The following PRDM16 variants were observed in gnomAD, a reference collection of about 807,000 sequenced individuals.
The protein encoded by PRDM16 is PR/SET domain 16.
Under a neutral mutation model 110.6 loss-of-function variants are expected in PRDM16, and 23 were observed. That is an observed-to-expected ratio of 0.21 (90% CI 0.15 to 0.29). The LOEUF (loss-of-function observed/expected upper bound fraction) is 0.29. PRDM16 is among the 10% of genes least tolerant of loss of function. The pLI, the probability that PRDM16 is intolerant of heterozygous loss-of-function variation, is 1.00. For missense variants in PRDM16, 1,615 were observed against 1,794.3 expected, an observed-to-expected ratio of 0.90 and a Z score of 1.81; for synonymous variants, 799 against 781.8, an observed-to-expected ratio of 1.02 and a Z score of -0.37.
At chr1:3,247,287 A>G (rs2100919560) in intron 3 of PRDM16, among the ~76,000 whole-genome samples, 1 of 152,358 alleles carries the variant, frequency 6.6e-6, no homozygotes, top group Middle Eastern at 3.4e-3. Flanking sequence ...GCAGCTTGGC[A>G]TATGAGCTGC....
chr1:3,437,783 T>A lies in PRDM16; in HGVS notation c.*3972T>A, dbSNP rs928486758. ...AATAAATAAATAAATAAAAGGCAGC[T>A]TGAGTTTCCAAACGTGTGATTCACT... On this transcript the variant is annotated 3_prime_UTR_variant, in exon 17 of 17. Transcript: ENST00000270722. The A allele has an allele frequency of 1.4e-5, 3 of 219,150 alleles. No homozygotes were observed. The highest frequency in any genetic ancestry group is 2.7e-5 in the Non-Finnish European group (3 of 109,278). The allele number at this position is 219,150 out of a possible 1,614,324, so 13.6% of individuals were successfully genotyped here. A position where few individuals can be genotyped will look rare whatever the true frequency, so the allele number is the denominator to read the frequency against.
rs377691026 is a variant in PRDM16, at chr1:3,404,713, C to T, written c.885-26C>T. 1.9e-4 allele frequency: 301 copies of T among 1,611,566 alleles called. 3 individuals are homozygous for T. The South Asian group carries it at 1.9e-3, about 10-fold the overall frequency. ...GGGCAGAGGGCAGGTAGTCGGGCCCCGCAGTGAGCCTCGTCCTCTGCGCAG... is the reference window on the plus strand; with the variant it reads ...GGGCAGAGGGCAGGTAGTCGGGCCCTGCAGTGAGCCTCGTCCTCTGCGCAG... On this transcript the variant is annotated intron_variant, in intron 6 of 16. Transcript: ENST00000270722.
intron 1 of PRDM16, among the ~76,000 whole-genome samples, chr1:3,087,933 C>T (rs1642187529): frequency 6.6e-6 from 1 of 152,122 alleles, no homozygotes; most frequent in East Asian, 1.9e-4. Context: ...CTACATTTCT[C>T]AGTGAGCTGT....
chr1:3,130,612 G>A (rs888065634), intron 1 of PRDM16, among the ~76,000 whole-genome samples: 20 of 152,108 alleles, frequency 1.3e-4, no homozygotes, highest in African/African-American at 3.9e-4. Flanking sequence ...TGCTTCATGC[G>A]CCCCACGCAC....
intron 3 of PRDM16, among the ~76,000 whole-genome samples, chr1:3,297,804 G>A (rs1408051252): frequency 6.6e-6 from 1 of 152,060 alleles, no homozygotes; most frequent in Non-Finnish European, 1.5e-5. Flanking sequence ...GGGACCAAGA[G>A]AAGAAAAAAA....
rs574770311 is a variant in PRDM16 at position 3,114,410 on chromosome 1, G to GCA, written c.37+45121_37+45122dup. Among the ~76,000 whole-genome samples the GCA allele has an allele frequency of 1.3e-4, 15 of 113,200 alleles. No homozygotes were observed. In the South Asian group the frequency reaches 4.0e-3, roughly 30 times the overall value. 74.3% of individuals were successfully genotyped at this position (113,200 alleles called of 152,430 possible). ...GACGCGCACGCACGCGCACACACAC[G>GCA]CACACACATGCACACACCAGGTGTA... On this transcript the variant is annotated intron_variant, in intron 1 of 16. Transcript: ENST00000270722.
rs749938760 is a variant in PRDM16, at chr1:3,186,405, C to T, written c.318C>T (p.Ala106=). Residue 106 remains alanine (A), a synonymous_variant, in exon 2 of 17, where the codon GCC becomes GCT. Transcript: ENST00000270722. Reference sequence around the variant, plus strand: ...TCTGGGCCAAGAGGAAGATGGAAGCCGGGGAGAGGCTGGGCCCCTGCGTGG... The same window carrying T: ...TCTGGGCCAAGAGGAAGATGGAAGCTGGGGAGAGGCTGGGCCCCTGCGTGG... ...LGVWAKRKME[A]GERLGPCVVV... The T allele has an allele frequency of 1.2e-5, 19 of 1,601,646 alleles. No individual in the cohort carries two copies. The highest frequency in any genetic ancestry group is 4.5e-5 in the South Asian group (4 of 89,174).
At chr1:3,423,003 G>C (rs935207027) in intron 12 of PRDM16, among the ~76,000 whole-genome samples, 7 of 152,246 alleles carry the variant, frequency 4.6e-5, no homozygotes, top group African/African-American at 1.4e-4. Flanking sequence ...CAGGGACTTC[G>C]ATCACCAATG....
chr1:3,401,044 AC>A (rs1643459898), intron 5 of PRDM16, among the ~76,000 whole-genome samples: 1 of 151,926 alleles, frequency 6.6e-6, no homozygotes, highest in African/African-American at 2.4e-5. Context: ...TGGAATCCCC[AC>A]CTTGGGCACC....
chr1:3,264,159 G>A (rs994402448), intron 3 of PRDM16, among the ~76,000 whole-genome samples: 2 of 152,208 alleles, frequency 1.3e-5, no homozygotes, highest in Admixed American at 6.5e-5. Flanking sequence ...GCAATGACAC[G>A]AGCAGTTACA....
intron 1 of PRDM16, among the ~76,000 whole-genome samples, chr1:3,114,133 TCTCTGCA>T (rs1410394759): frequency 6.6e-6 from 1 of 152,082 alleles, no homozygotes; most frequent in Non-Finnish European, 1.5e-5. Context: ...GCGGCGTGTA[TCTCTGCA>T]CACTGCACAC....
chr1:3,150,874 G>A (rs1643761888), intron 1 of PRDM16, among the ~76,000 whole-genome samples: 1 of 142,810 alleles, frequency 7.0e-6, no homozygotes, highest in South Asian at 2.4e-4. Flanking sequence ...TGGGGGCGGG[G>A]GGGCTGGTCC....
At chr1:3,149,663 C>T (rs1319438092) in intron 1 of PRDM16, among the ~76,000 whole-genome samples, 2 of 152,218 alleles carry the variant, frequency 1.3e-5, no homozygotes, top group Non-Finnish European at 2.9e-5. Context: ...AGCCCCTGGC[C>T]CACAGTTAGG....
In PRDM16 at chr1:3,230,159, G is replaced by A. The variant is rs141418074; in HGVS notation, c.388-13928G>A. Among the ~76,000 whole-genome samples the A allele has an allele frequency of 4.7e-3, 713 of 152,296 alleles. 3 individuals are homozygous for A. Among genetic ancestry groups the A allele is most frequent in the Middle Eastern group, 6.8e-3 (2 of 294 alleles). ...CGGGCACCCAGTGTGCTGTCTAGCC[G>A]AGGGCCTCAAGAGAGACAGACTGGC... On this transcript the variant is annotated intron_variant, in intron 2 of 16. Coordinates refer to ENST00000270722, the MANE Select transcript of PRDM16 (RefSeq NM_022114.4).
At chr1:3,103,011 G>A (rs1035703693) in intron 1 of PRDM16, among the ~76,000 whole-genome samples, 2 of 152,178 alleles carry the variant, frequency 1.3e-5, no homozygotes, top group East Asian at 1.9e-4. Context: ...GCACAGAGGC[G>A]TTCACAGGAA....
At chr1:3,232,212 C>T (rs1639433581) in intron 2 of PRDM16, among the ~76,000 whole-genome samples, 1 of 152,210 alleles carries the variant, frequency 6.6e-6, no homozygotes, top group East Asian at 1.9e-4. Context: ...CCTCACTTCT[C>T]CAAATGGAAC....
intron 3 of PRDM16, among the ~76,000 whole-genome samples, chr1:3,364,690 C>CAGCT (rs1642777392): frequency 6.6e-6 from 1 of 152,238 alleles, no homozygotes; most frequent in South Asian, 2.1e-4. Flanking sequence ...CTCCCCCACT[C>CAGCT]AGCTGCGCGG....
chr1:3,146,550 G>A (rs1231422192), intron 1 of PRDM16, among the ~76,000 whole-genome samples: 5 of 148,938 alleles, frequency 3.4e-5, no homozygotes, highest in Admixed American at 3.3e-4. Flanking sequence ...TGTGTTCGGT[G>A]TGGGGTGTGT....
chr1:3,219,306 ACT>A (rs1639099570), intron 2 of PRDM16, among the ~76,000 whole-genome samples: 1 of 152,382 alleles, frequency 6.6e-6, no homozygotes, highest in South Asian at 2.1e-4. Context: ...AATGTTTCAC[ACT>A]GTGTCGGCGA....
Sources: allele counts gnomAD v4.1 joint callset (sites outside exome capture counted in the v4.1 genomes callset), GRCh38; gene constraint gnomAD v4.1.1; transcripts MANE v1.5; gene names NCBI Gene and HGNC (gene_info 2026-07-23, HGNC 2026-07-21).